VPS41: variants seen among roughly 807,000 people sequenced by gnomAD.
VPS41 encodes VPS41 subunit of HOPS complex.
A neutral mutation model predicts 130.9 loss-of-function variants in VPS41; 85 were observed. The ratio of observed to expected loss-of-function variants is 0.65; its 90% CI spans 0.55 to 0.78. VPS41 has a LOEUF of 0.78. Ranked by LOEUF, VPS41 falls within the 30% of genes least tolerant of loss-of-function variation. The pLI is 0.00. For synonymous variants in VPS41, 335 were observed against 332.9 expected, an observed-to-expected ratio of 1.01 and a Z score of -0.07; for missense variants, 874 against 1,018.7, an observed-to-expected ratio of 0.86 and a Z score of 1.93.
rs562794568 is a variant in VPS41 at position 38,729,324 on chromosome 7, A to G, written c.2260-533T>C. 6.6e-5 allele frequency among the ~76,000 whole-genome samples: 10 copies of G among 152,266 alleles called. No homozygotes were observed. In the South Asian group the frequency reaches 2.1e-3, roughly 32 times the overall value. ...ATAGATAATAAACTAAACAGATACA[A>G]TCTCTGTCTTAAATCCCCTTGAGGA... On this transcript the variant is annotated intron_variant, in intron 25 of 28. Coordinates refer to ENST00000310301, the MANE Select transcript of VPS41 (RefSeq NM_014396.4).
At chr7:38,775,574 A>C (rs1346146227) in intron 11 of VPS41, 1 of 152,176 alleles carries the variant, frequency 6.6e-6, no homozygotes, top group Non-Finnish European at 1.5e-5. Flanking sequence ...ATTTTCAAAA[A>C]ATAAATAAAA....
At chr7:38,746,957 C>T (rs1432969775) in intron 22 of VPS41, among the ~76,000 whole-genome samples, 1 of 152,182 alleles carries the variant, frequency 6.6e-6, no homozygotes, top group Non-Finnish European at 1.5e-5. Flanking sequence ...CGGCATGGTG[C>T]TCTCAGCAGG....
At chr7:38,741,792 C>T (rs1584367477) in intron 25 of VPS41, among the ~76,000 whole-genome samples, 193 bp downstream of exon 25, 1 of 152,294 alleles carries the variant, frequency 6.6e-6, no homozygotes. Flanking sequence ...TAAGGTATTA[C>T]TGGACAACGC....
At chr7:38,740,190 G>A (rs1795854500) in intron 25 of VPS41, among the ~76,000 whole-genome samples, 1 of 152,180 alleles carries the variant, frequency 6.6e-6, no homozygotes, top group African/African-American at 2.4e-5. Context: ...TCCCTTGGGG[G>A]AGGGTTGTTC....
chr7:38,872,131 G>T (rs1051089247), intron 2 of VPS41, among the ~76,000 whole-genome samples: 1 of 152,174 alleles, frequency 6.6e-6, no homozygotes, highest in South Asian at 2.1e-4. Context: ...GGGTTTAGAG[G>T]ATCTGCTTCC....
At chr7:38,773,621 A>C (rs1355886719) in intron 12 of VPS41, among the ~76,000 whole-genome samples, 1 of 152,194 alleles carries the variant, frequency 6.6e-6, no homozygotes, top group Non-Finnish European at 1.5e-5. Context: ...TGTATTTATG[A>C]GCAGTGACTA....
At chr7:38,882,761 C>A (rs1199616837) in intron 2 of VPS41, among the ~76,000 whole-genome samples, 1 of 152,178 alleles carries the variant, frequency 6.6e-6, no homozygotes, top group African/African-American at 2.4e-5. Flanking sequence ...GTCAGGAAAT[C>A]TGTTGGCTAT....
intron 7 of VPS41, among the ~76,000 whole-genome samples, chr7:38,805,768 T>C (rs1197126059): frequency 6.6e-6 from 1 of 152,176 alleles, no homozygotes; most frequent in Non-Finnish European, 1.5e-5. Context: ...TGGTAACATA[T>C]GTTCATCCTC....
At chr7:38,867,042 G>A (rs1481902221) in intron 3 of VPS41, among the ~76,000 whole-genome samples, 1 of 152,144 alleles carries the variant, frequency 6.6e-6, no homozygotes, top group Non-Finnish European at 1.5e-5. Flanking sequence ...ATTACATTAA[G>A]TGAAAGAAAC....
intron 10 of VPS41, among the ~76,000 whole-genome samples, chr7:38,786,362 G>A (rs976820394): frequency 1.3e-5 from 2 of 152,186 alleles, no homozygotes; most frequent in African/African-American, 4.8e-5. Flanking sequence ...ACTGTGCTTG[G>A]TGGTGGTTGT....
chr7:38,812,489 GATCTC>G (rs1784963444), intron 7 of VPS41, among the ~76,000 whole-genome samples: 2 of 152,052 alleles, frequency 1.3e-5, no homozygotes, highest in Admixed American at 1.3e-4. Flanking sequence ...AACAGGCAGT[GATCTC>G]TTAGATACAA....
intron 4 of VPS41, among the ~76,000 whole-genome samples, chr7:38,834,772 A>T (rs1420819717): frequency 4.7e-5 from 7 of 148,588 alleles, no homozygotes; most frequent in African/African-American, 1.5e-4. Context: ...AAATTTTGAG[A>T]TTTTTTTTTC....
intron 4 of VPS41, among the ~76,000 whole-genome samples, chr7:38,838,971 T>C (rs926351156): frequency 6.6e-6 from 1 of 152,206 alleles, no homozygotes; most frequent in Non-Finnish European, 1.5e-5. Context: ...TCCTAATGTA[T>C]AATTTGTAAG....
Position 38,726,749 on chromosome 7 carries a change from C to T in VPS41, c.2484+160G>A, listed in dbSNP as rs13224857. On this transcript the variant is annotated intron_variant, in intron 28 of 28. Transcript: ENST00000310301. ...CATAGAACATTTCTAAATATTTTTA[C>T]ATTTGAAAACTAGATTAATTTTTGT... Among the ~76,000 whole-genome samples, 13,135 of 152,236 alleles carry T rather than the reference C, an allele frequency of 0.086. 639 individuals are homozygous for T. Among genetic ancestry groups the T allele is most frequent in the South Asian group, 0.13 (635 of 4,830 alleles).
At chr7:38,775,858 T>C (rs111347783) in intron 11 of VPS41, among the ~76,000 whole-genome samples, 7,414 of 151,624 alleles carry the variant, frequency 0.049, 610 homozygotes, top group African/African-American at 0.17. Context: ...ACAAGGATAG[T>C]CCACTTGCCT....
chr7:38,729,803 C>G lies in VPS41; in HGVS notation c.2260-1012G>C, dbSNP rs556188558. Among the ~76,000 whole-genome samples, 5 of 152,334 alleles carry G rather than the reference C, an allele frequency of 3.3e-5. No individual in the cohort carries two copies. In the East Asian group the frequency reaches 9.7e-4, roughly 29 times the overall value. The stretch of plus-strand genomic sequence containing the variant: ...CAGGGACAGGCGACACTTTACCTTT[C>G]ATGTCCATTCTGTGGGGCACAGTGT... On this transcript the variant is annotated intron_variant, in intron 25 of 28. Transcript: ENST00000310301.
chr7:38,746,426 CAAAG>C (rs1315510623), intron 22 of VPS41, among the ~76,000 whole-genome samples: 3 of 151,906 alleles, frequency 2.0e-5, no homozygotes, highest in African/African-American at 7.3e-5. Context: ...AAGAGGAAAA[CAAAG>C]AAGAGAATAA....
chr7:38,806,578 A>G (rs1283092442), intron 7 of VPS41, among the ~76,000 whole-genome samples: 1 of 152,208 alleles, frequency 6.6e-6, no homozygotes, highest in Non-Finnish European at 1.5e-5. Flanking sequence ...AAAATAATGC[A>G]TGCTTACTAC....
intron 14 of VPS41, among the ~76,000 whole-genome samples, chr7:38,769,454 A>C (rs1263520639): frequency 1.3e-5 from 2 of 152,214 alleles, no homozygotes; most frequent in Non-Finnish European, 2.9e-5. Context: ...CTGTGCAGAA[A>C]CTGAGACTCA....
Sources: gnomAD v4.1 joint callset for allele counts (sites outside exome capture counted in the v4.1 genomes callset) on GRCh38, gnomAD v4.1.1 for gene constraint, MANE v1.5 for transcripts, NCBI Gene and HGNC (gene_info 2026-07-23, HGNC 2026-07-21) for gene names.